Variants in TTC7A observed in about 807,000 individuals in gnomAD.
The protein encoded by TTC7A is tetratricopeptide repeat domain 7A, also known as tetratricopeptide repeat protein 7A.
TTC7A carries 110 observed loss-of-function variants against 103.7 expected under a neutral mutation model. That is an observed-to-expected ratio of 1.06 (90% CI 0.91 to 1.24). The LOEUF (loss-of-function observed/expected upper bound fraction) is 1.24. TTC7A is among the 50% of genes most tolerant of loss of function. TTC7A has a pLI of 0.00. For missense variants in TTC7A, 1,340 were observed against 1,116.3 expected (o/e 1.20, Z -2.86); for synonymous variants, 521 against 467.9 (o/e 1.11, Z -1.47).
chr2:46,954,803 T>G (rs372415511), intron 2 of TTC7A, among the ~76,000 whole-genome samples: 3 of 152,164 alleles, frequency 2.0e-5, no homozygotes, highest in South Asian at 2.1e-4. Flanking sequence ...ATTCCTGATC[T>G]TAGGTGATCT....
In TTC7A at chr2:46,950,490, TTATC is replaced by T. The variant is rs886037747; in HGVS notation, c.315_318del (p.Tyr105Ter). On this transcript the variant is annotated frameshift_variant, in exon 2 of 20. Transcript: ENST00000319190. LOFTEE classifies it high-confidence loss of function. ...AGCCGAAGATGAGCGAAGCCAAAAA[TTATC>T]TAAGCAGTATCCTTAACCATGGGAG... 1 of 1,614,130 alleles carries T rather than the reference TTATC, an allele frequency of 6.2e-7. No homozygotes were observed. The highest frequency in any genetic ancestry group is 8.5e-7 in the Non-Finnish European group (1 of 1,180,026).
At position 47,031,743 on chromosome 2, in the gene TTC7A, G is replaced by A; in HGVS notation, c.1802+2359G>A. On this transcript the variant is annotated intron_variant, in intron 15 of 19. Transcript: ENST00000319190. Reference sequence around the variant, plus strand: ...CCAGCACCTGACATCTCACCCCTCAGCATCTCTTGCTGACTTCTGAGCTGA... The same window carrying A: ...CCAGCACCTGACATCTCACCCCTCAACATCTCTTGCTGACTTCTGAGCTGA... Among the ~76,000 whole-genome samples, 2 of 152,226 alleles carry A rather than the reference G, an allele frequency of 1.3e-5. 1 individual carries two copies. Among genetic ancestry groups the A allele is most frequent in the Non-Finnish European group, 2.9e-5 (2 of 68,038 alleles).
At chr2:46,924,207 A>T (rs1572638241) in intron 2 of TTC7A, among the ~76,000 whole-genome samples, 1 of 106,916 alleles carries the variant, frequency 9.4e-6, no homozygotes, top group Non-Finnish European at 2.1e-5. Context: ...CTGTCTCTTT[A>T]AAAAAAAAAA....
rs546215567 is a variant in TTC7A, at chr2:47,042,231, G to T, written c.1803-4084G>T. 1.3e-3 allele frequency among the ~76,000 whole-genome samples: 205 copies of T among 152,350 alleles called. 1 individual carries two copies. The highest frequency in any genetic ancestry group is 2.2e-3 in the Non-Finnish European group (153 of 68,034). The stretch of plus-strand genomic sequence containing the variant: ...GGTGGAAGTTTCTAGGCCAGGCAGT[G>T]TGGCTAATGCCTGTAATCCCAATGC... On this transcript the variant is annotated intron_variant, in intron 15 of 19. Coordinates refer to ENST00000319190, the MANE Select transcript of TTC7A (RefSeq NM_020458.4).
At chr2:47,035,794 G>A (rs1000461422) in intron 15 of TTC7A, among the ~76,000 whole-genome samples, 9 of 152,218 alleles carry the variant, frequency 5.9e-5, no homozygotes, top group Admixed American at 2.6e-4. Flanking sequence ...CTGTAGCAGG[G>A]GAGGCCCAGC....
At chr2:47,001,859 CAAA>C (rs397871545) in intron 8 of TTC7A, among the ~76,000 whole-genome samples, 4 of 90,466 alleles carry the variant, frequency 4.4e-5, no homozygotes, top group African/African-American at 7.1e-5. Flanking sequence ...GACTCTGTCT[CAAA>C]AAAAAAAAAA....
At chr2:46,953,967 T>C (rs2881586) in intron 2 of TTC7A, among the ~76,000 whole-genome samples, 81,983 of 151,850 alleles carry the variant, frequency 0.54, 22,347 homozygotes, top group East Asian at 0.68. Context: ...CCTGCCAAGC[T>C]CCATCTCTTG....
In TTC7A at chr2:46,941,987, A is replaced by G. The variant is rs1471370491; in HGVS notation, c.184+262A>G. On this transcript the variant is annotated intron_variant, in intron 1 of 19. Coordinates refer to ENST00000319190, the MANE Select transcript of TTC7A (RefSeq NM_020458.4). The surrounding 1 kb of genome is among the most constrained non-coding windows in gnomAD (Gnocchi z 4.2). ...TGTGGCTAACTCTGTCTACCGTGAAATGGTGGTATCTGCATATCATGAGAT... is the reference window on the plus strand; with the variant it reads ...TGTGGCTAACTCTGTCTACCGTGAAGTGGTGGTATCTGCATATCATGAGAT... The G allele has an allele frequency of 8.7e-6, 5 of 572,086 alleles. No homozygotes were observed. The highest frequency in any genetic ancestry group is 3.8e-5 in the African/African-American group (2 of 52,758). The allele number at this position is 572,086 out of a possible 1,614,324, so 35.4% of individuals were successfully genotyped here.
chr2:47,064,485 C>T (rs1387729903), intron 19 of TTC7A, among the ~76,000 whole-genome samples: 2 of 152,220 alleles, frequency 1.3e-5, no homozygotes, highest in East Asian at 3.8e-4. Context: ...AAGGCAGAGG[C>T]CCTCCCAGAA....
intron 15 of TTC7A, chr2:47,034,062 G>A (rs528163204): frequency 2.0e-5 from 3 of 152,376 alleles, no homozygotes; most frequent in South Asian, 4.1e-4. Context: ...CTTGATTTCT[G>A]TGCTGTGGGA....
chr2:47,073,563 A>C, intron 19 of TTC7A, 139 bp from the exon 20 acceptor site: 1 of 719,630 alleles, frequency 1.4e-6, no homozygotes, highest in Admixed American at 2.4e-5. Context: ...ACAGTCACTT[A>C]ACAGTGCCCA....
intron 19 of TTC7A, among the ~76,000 whole-genome samples, chr2:47,071,485 C>A (rs1684709047): frequency 6.6e-6 from 1 of 152,220 alleles, no homozygotes; most frequent in African/African-American, 2.4e-5. Flanking sequence ...CTGTCTGCCC[C>A]CGCGGTGATT....
Position 47,075,052 on chromosome 2 carries a change from A to C in TTC7A, c.*1129A>C, listed in dbSNP as rs764320104. 2 of 152,230 alleles carry C rather than the reference A, an allele frequency of 1.3e-5. No individual in the cohort carries two copies. Among genetic ancestry groups the C allele is most frequent in the African/African-American group, 2.4e-5 (1 of 41,452 alleles). The allele number at this position is 152,230 out of a possible 1,614,324, so 9.4% of individuals were successfully genotyped here. A position where few individuals can be genotyped will look rare whatever the true frequency, so the allele number is the denominator to read the frequency against. On this transcript the variant is annotated 3_prime_UTR_variant, in exon 20 of 20. Transcript: ENST00000319190. Reference sequence around the variant, plus strand: ...CTCCATCAGGTACAGCTTGCATTTCAGGATGTGTGGAAAGCTCGGGTGAGG... The same window carrying C: ...CTCCATCAGGTACAGCTTGCATTTCCGGATGTGTGGAAAGCTCGGGTGAGG...
chr2:47,049,235 C>T (rs1682621782), intron 16 of TTC7A, among the ~76,000 whole-genome samples: 1 of 152,164 alleles, frequency 6.6e-6, no homozygotes, highest in Admixed American at 6.5e-5. Context: ...GCTTCCTCGG[C>T]AGTGGGAATG....
Position 47,060,954 on chromosome 2 carries a change from C to T in TTC7A, c.2338C>T (p.Arg780Cys), listed in dbSNP as rs777474719. 2.7e-5 allele frequency: 43 copies of T among 1,612,512 alleles called. No individual in the cohort carries two copies. Among genetic ancestry groups the T allele is most frequent in the East Asian group, 6.7e-5 (3 of 44,866 alleles). The stretch of plus-strand genomic sequence containing the variant: ...GCTCACGGTGAACCCAGATGGCGTG[C>T]GCATCATGCATAGCCTGGTGAGTCA... ...EALTVNPDGV[R>C]IMHSLGLMLS... The change falls in exon 19 of 20, where the codon CGC becomes TGC. Residue 780 changes from arginine to cysteine, a missense_variant. By Grantham distance (180) the Arg-to-Cys change is radical. Coordinates refer to ENST00000319190, the MANE Select transcript of TTC7A (RefSeq NM_020458.4).
intron 6 of TTC7A, chr2:46,994,089 G>T: frequency 2.2e-6 from 1 of 455,378 alleles, no homozygotes. Context: ...GGTCAGGAGA[G>T]GGAGGAAATG....
At chr2:47,010,970 G>A (rs1191240912) in intron 10 of TTC7A, among the ~76,000 whole-genome samples, 1 of 152,140 alleles carries the variant, frequency 6.6e-6, no homozygotes, top group Non-Finnish European at 1.5e-5. Flanking sequence ...AAAGTGCTGG[G>A]ATTGCAGGCG....
intron 1 of TTC7A, among the ~76,000 whole-genome samples, chr2:46,942,738 T>C (rs1670548662): frequency 6.6e-6 from 1 of 152,198 alleles, no homozygotes; most frequent in African/African-American, 2.4e-5. Flanking sequence ...CCCAGGTTTC[T>C]GAGTACATCC....
intron 2 of TTC7A, among the ~76,000 whole-genome samples, chr2:46,917,479 G>C (rs938600249): frequency 2.8e-4 from 42 of 152,158 alleles, no homozygotes; most frequent in African/African-American, 9.4e-4. Flanking sequence ...AACATTTCTT[G>C]AATATCTTCT....
Sources: gnomAD v4.1 joint callset for allele counts (sites outside exome capture counted in the v4.1 genomes callset) on GRCh38, gnomAD v4.1.1 for gene constraint, Gnocchi (gnomAD v3.1) non-coding constraint, MANE v1.5 for transcripts, NCBI Gene and HGNC (gene_info 2026-07-23, HGNC 2026-07-21) for gene names.